The following CRYBG1 variants were observed in gnomAD, a reference collection of about 807,000 sequenced individuals.
CRYBG1 encodes the protein crystallin beta-gamma domain containing 1.
Under a neutral mutation model 189.2 loss-of-function variants are expected in CRYBG1, and 139 were observed. The observed-to-expected ratio is 0.73, with a 90% confidence interval of 0.64 to 0.85. The LOEUF is 0.85. Ranked by LOEUF, CRYBG1 falls within the 40% of genes least tolerant of loss-of-function variation. The probability of loss-of-function intolerance (pLI) is 0.00; values close to 1 mark genes in which losing one functional copy is unlikely to be tolerated. For synonymous variants in CRYBG1, 1,023 were observed against 1,017.1 expected (o/e 1.01, Z -0.11); for missense variants, 2,611 against 2,675.8 (o/e 0.98, Z 0.53).
intron 1 of CRYBG1, among the ~76,000 whole-genome samples, chr6:106,387,566 G>C (rs561209372): frequency 1.7e-4 from 26 of 152,270 alleles, no homozygotes; most frequent in South Asian, 6.2e-4. Context: ...ACCCTAGTAA[G>C]GGTTTTAGAT....
intron 1 of CRYBG1, among the ~76,000 whole-genome samples, chr6:106,363,503 C>T (rs544218125): frequency 6.6e-6 from 1 of 151,980 alleles, no homozygotes; most frequent in Non-Finnish European, 1.5e-5. Flanking sequence ...GCAAAAGCAC[C>T]CTTAGATTTC....
At chr6:106,517,475 TATATATATAC>T in intron 3 of CRYBG1, among the ~76,000 whole-genome samples, 1 of 145,216 alleles carries the variant, frequency 6.9e-6, no homozygotes, top group South Asian at 2.1e-4. Flanking sequence ...CACACACACA[TATATATATAC>T]ACACACACAC....
In CRYBG1 at chr6:106,506,446, C is replaced by CTTTT. The variant is rs67154803; in HGVS notation, c.313-4962_313-4959dup. Among the ~76,000 whole-genome samples the CTTTT allele has an allele frequency of 1.6e-3, 111 of 69,914 alleles. 1 individual carries two copies. Among genetic ancestry groups the CTTTT allele is most frequent in the African/African-American group, 1.7e-3 (31 of 17,880 alleles). The allele number at this position is 69,914 out of a possible 152,430, so 45.9% of individuals were successfully genotyped here. A position where few individuals can be genotyped will look rare whatever the true frequency, so the allele number is the denominator to read the frequency against. ...CAAAATGTTATTAGATTTCTTGTCA[C>CTTTT]TTTTTTTTTTTTTTTTTTTTTTTTT... is the stretch of plus-strand genomic sequence containing the variant. On this transcript the variant is annotated intron_variant, in intron 2 of 21. Transcript: ENST00000633556.
At chr6:106,540,890 C>A (rs558142309) in intron 9 of CRYBG1, among the ~76,000 whole-genome samples, 36 of 152,142 alleles carry the variant, frequency 2.4e-4, no homozygotes, top group African/African-American at 8.2e-4. Flanking sequence ...TGTGCAATAT[C>A]TTTTTAATGT....
chr6:106,451,764 T>C lies in CRYBG1; in HGVS notation c.244T>C (p.Ser82Pro), dbSNP rs1231928651. 1 of 1,534,694 alleles carries C rather than the reference T, an allele frequency of 6.5e-7. No individual in the cohort carries two copies. Among genetic ancestry groups the C allele is most frequent in the African/African-American group, 1.4e-5 (1 of 72,978 alleles). ...GGAATTTCCACTGCACTGTGGGGAA[T>C]CCCAGTTCTTCCACACCACCAGTGA... ...SQEFPLHCGESQFFHTTSEAL... is the reference protein window; with the variant it reads ...SQEFPLHCGEPQFFHTTSEAL... The change falls in exon 2 of 22, where the codon TCC becomes CCC. Residue 82 changes from serine to proline, a missense_variant. Around this residue, in one of 3 missense-constraint regions of CRYBG1, gnomAD observed 985 missense variants for 924.4 expected, o/e 1.07. Transcript: ENST00000633556.
At chr6:106,429,739 C>G (rs1246433283) in intron 1 of CRYBG1, among the ~76,000 whole-genome samples, 1 of 152,198 alleles carries the variant, frequency 6.6e-6, no homozygotes, top group Non-Finnish European at 1.5e-5. Flanking sequence ...TCTCAGTTTC[C>G]TCCTCTGCAT....
chr6:106,452,244 T>TAAA (rs368102917), intron 2 of CRYBG1, among the ~76,000 whole-genome samples: 40 of 108,644 alleles, frequency 3.7e-4, no homozygotes, highest in Non-Finnish European at 6.3e-4. Flanking sequence ...CAGACTCTAC[T>TAAA]AAAAAAAAAA....
chr6:106,387,256 T>G (rs80187633), intron 1 of CRYBG1, among the ~76,000 whole-genome samples: 3,739 of 152,186 alleles, frequency 0.025, 140 homozygotes, highest in African/African-American at 0.086. Context: ...ATAGTAAGAC[T>G]GTCACTGGAA....
At chr6:106,431,676 T>C (rs954732846) in intron 1 of CRYBG1, among the ~76,000 whole-genome samples, 1 of 152,210 alleles carries the variant, frequency 6.6e-6, no homozygotes, top group Non-Finnish European at 1.5e-5. Flanking sequence ...CACACAGAAA[T>C]GGCCACACTG....
At chr6:106,561,275 T>G (rs1774710051) in intron 19 of CRYBG1, 67 bp from the exon 20 acceptor site, 2 of 1,521,866 alleles carry the variant, frequency 1.3e-6, no homozygotes, top group South Asian at 1.2e-5. Flanking sequence ...CTTCCTGATA[T>G]TCATGCTTGT....
Position 106,426,967 on chromosome 6 carries a change from C to T in CRYBG1, c.174-24727C>T, listed in dbSNP as rs1280031767. ...TTATCAGCAACATCTCGCAACGCCTCCAGGTTTCCTTTTTTTTCTCTGGTG... is the reference window on the plus strand; with the variant it reads ...TTATCAGCAACATCTCGCAACGCCTTCAGGTTTCCTTTTTTTTCTCTGGTG... On this transcript the variant is annotated intron_variant, in intron 1 of 21. Coordinates refer to ENST00000633556, the MANE Select transcript of CRYBG1 (RefSeq NM_001371242.2). 2.6e-5 allele frequency among the ~76,000 whole-genome samples: 4 copies of T among 152,320 alleles called. No individual in the cohort carries two copies. In the East Asian group the frequency reaches 7.7e-4, roughly 29 times the overall value.
chr6:106,431,419 C>A (rs987315136), intron 1 of CRYBG1, among the ~76,000 whole-genome samples: 1 of 151,942 alleles, frequency 6.6e-6, no homozygotes, highest in African/African-American at 2.4e-5. Context: ...CTGAGTTACA[C>A]TGTAAGATAA....
In CRYBG1 at chr6:106,423,261, T is replaced by TTTG. The variant is rs1461824679; in HGVS notation, c.174-28431_174-28430insGTT. Among the ~76,000 whole-genome samples the TTTG allele has an allele frequency of 7.7e-4, 115 of 149,798 alleles. 1 individual carries two copies. The highest frequency in any genetic ancestry group is 2.7e-3 in the African/African-American group (109 of 40,718). ...TGCTAGAGTTGGCTGGTTTTTTTTT[T>TTTG]TTTTTTTTTTTTTCGCTATCAATAA... On this transcript the variant is annotated intron_variant, in intron 1 of 21. Coordinates refer to ENST00000633556, the MANE Select transcript of CRYBG1 (RefSeq NM_001371242.2).
intron 21 of CRYBG1, among the ~76,000 whole-genome samples, chr6:106,565,388 T>C (rs1421345782): frequency 1.3e-5 from 2 of 151,980 alleles, no homozygotes; most frequent in Non-Finnish European, 2.9e-5. Context: ...CTTTTCTGGA[T>C]AATGGAGAAC....
At chr6:106,418,429 C>T (rs572720603) in intron 1 of CRYBG1, among the ~76,000 whole-genome samples, 5 of 152,244 alleles carry the variant, frequency 3.3e-5, no homozygotes, top group South Asian at 2.1e-4. Context: ...GGGGTTTTAC[C>T]GGGGACCCAC....
At chr6:106,543,367 T>G (rs1353005645) in intron 10 of CRYBG1, 73 bp from the exon 11 acceptor site, 11 of 1,440,120 alleles carry the variant, frequency 7.6e-6, no homozygotes, top group Non-Finnish European at 1.1e-5. Flanking sequence ...TTAGTGATAT[T>G]AAATGACTGA....
At chr6:106,551,799 T>C in intron 13 of CRYBG1, 53 bp from the exon 14 acceptor site, 1 of 1,561,486 alleles carries the variant, frequency 6.4e-7, no homozygotes, top group South Asian at 1.2e-5. Flanking sequence ...AAATATGTGA[T>C]CGTTTTATAT....
At chr6:106,447,537 G>A (rs1303406297) in intron 1 of CRYBG1, among the ~76,000 whole-genome samples, 1 of 108,334 alleles carries the variant, frequency 9.2e-6, no homozygotes, top group African/African-American at 3.5e-5. Context: ...TGTACCTCAT[G>A]TACCTCATAA....
intron 2 of CRYBG1, among the ~76,000 whole-genome samples, chr6:106,482,854 A>G (rs76254614): frequency 8.3e-6 from 1 of 120,874 alleles, no homozygotes; most frequent in Admixed American, 1.1e-4. Context: ...ACAGTCTTTA[A>G]ATTTTTTTAA....
Sources: allele counts gnomAD v4.1 joint callset (sites outside exome capture counted in the v4.1 genomes callset), GRCh38; gene constraint gnomAD v4.1.1; regional missense constraint gnomAD v4.1.1; transcripts MANE v1.5; gene names NCBI Gene and HGNC (gene_info 2026-07-23, HGNC 2026-07-21).